The following CSMD1 variants were observed in gnomAD, a reference collection of about 807,000 sequenced individuals.
CSMD1 encodes CUB and Sushi multiple domains 1.
In CSMD1, 213 loss-of-function variants were observed where a neutral mutation model predicts 417.5. The ratio of observed to expected loss-of-function variants is 0.51; its 90% confidence interval spans 0.46 to 0.57. CSMD1 has a LOEUF of 0.57. CSMD1 is among the 20% of genes least tolerant of loss of function. The pLI, the probability that CSMD1 is intolerant of heterozygous loss-of-function variation, is 0.00. For synonymous variants in CSMD1, 2,862 were observed against 1,736.8 expected (o/e 1.65, Z -16.11); for missense variants, 6,923 against 4,529.7 (o/e 1.53, Z -15.17).
chr8:4,951,671 T>A (rs574933843), intron 1 of CSMD1, among the ~76,000 whole-genome samples: 1 of 151,856 alleles, frequency 6.6e-6, no homozygotes, highest in East Asian at 1.9e-4. Flanking sequence ...TTCCTACTTT[T>A]AGTAAAAAAT....
chr8:4,368,810 C>T (rs1326589630), intron 3 of CSMD1, among the ~76,000 whole-genome samples: 1 of 152,038 alleles, frequency 6.6e-6, no homozygotes, highest in African/African-American at 2.4e-5. Context: ...GTTGTAATGT[C>T]AGCTTTGTCA....
chr8:4,808,973 T>G (rs1399337224), intron 1 of CSMD1, among the ~76,000 whole-genome samples: 4 of 152,210 alleles, frequency 2.6e-5, no homozygotes, highest in Admixed American at 2.6e-4. Flanking sequence ...CCAGAAAATC[T>G]TGTTTAAAAT....
intron 2 of CSMD1, among the ~76,000 whole-genome samples, chr8:4,613,209 A>G (rs1253666856): frequency 6.6e-6 from 1 of 152,202 alleles, no homozygotes; most frequent in Admixed American, 6.5e-5. Flanking sequence ...GGTAAGAGAG[A>G]AAACAATTTG....
intron 1 of CSMD1, among the ~76,000 whole-genome samples, chr8:4,932,288 C>T (rs185220242): frequency 6.6e-6 from 1 of 151,174 alleles, no homozygotes; most frequent in African/African-American, 2.4e-5. Context: ...ATAAAATTGT[C>T]TTAAAAAGTA....
chr8:4,759,054 A>C (rs996396999), intron 1 of CSMD1, among the ~76,000 whole-genome samples: 4 of 152,218 alleles, frequency 2.6e-5, no homozygotes, highest in African/African-American at 7.2e-5. Flanking sequence ...GATGTGCAGA[A>C]AAGTTATTAA....
At chr8:3,056,747 T>G (rs1812255421) in intron 49 of CSMD1, among the ~76,000 whole-genome samples, 1 of 143,236 alleles carries the variant, frequency 7.0e-6, no homozygotes, top group South Asian at 2.2e-4. Flanking sequence ...TATATGAATA[T>G]GTATATATAA....
At chr8:3,979,418 C>G (rs997535652) in intron 5 of CSMD1, among the ~76,000 whole-genome samples, 1 of 152,176 alleles carries the variant, frequency 6.6e-6, no homozygotes, top group African/African-American at 2.4e-5. Flanking sequence ...CATGGAAAAG[C>G]TGCAGGAGAA....
intron 33 of CSMD1, among the ~76,000 whole-genome samples, chr8:3,192,589 G>C (rs905097774): frequency 6.6e-6 from 1 of 152,200 alleles, no homozygotes; most frequent in Non-Finnish European, 1.5e-5. Flanking sequence ...AGCCTGGAGA[G>C]AGGCACGAGA....
intron 3 of CSMD1, among the ~76,000 whole-genome samples, chr8:4,403,544 G>A (rs960058643): frequency 4.6e-5 from 7 of 152,122 alleles, no homozygotes; most frequent in Admixed American, 2.6e-4. Context: ...CGCCAGGGCT[G>A]ATCACCTCTT....
In CSMD1 at chr8:4,182,042, G is replaced by A. The variant is rs990147571; in HGVS notation, c.416-149943C>T. 1.5e-4 allele frequency among the ~76,000 whole-genome samples: 10 copies of A among 68,114 alleles called. No individual in the cohort carries two copies. The Admixed American group carries it at 1.6e-3, about 11-fold the overall frequency. The allele number at this position is 68,114 out of a possible 152,430, so 44.7% of individuals were successfully genotyped here. A position where few individuals can be genotyped will look rare whatever the true frequency, so the allele number is the denominator to read the frequency against. On this transcript the variant is annotated intron_variant, in intron 3 of 69. Transcript: ENST00000635120. ...TACACACCCGTGTGTGTGTGTGTGTGTCGGTGTGTGTGTGTGTGTATACCT... is the reference window on the plus strand; with the variant it reads ...TACACACCCGTGTGTGTGTGTGTGTATCGGTGTGTGTGTGTGTGTATACCT...
intron 26 of CSMD1, among the ~76,000 whole-genome samples, chr8:3,239,865 A>G (rs890208396): frequency 2.0e-5 from 3 of 152,110 alleles, no homozygotes; most frequent in Non-Finnish European, 4.4e-5. Flanking sequence ...CAGGTGTGGT[A>G]TCCAGAATAA....
At chr8:3,650,721 G>A (rs1330126107) in intron 7 of CSMD1, among the ~76,000 whole-genome samples, 3 of 152,174 alleles carry the variant, frequency 2.0e-5, no homozygotes, top group African/African-American at 7.2e-5. Context: ...GGGCATCAAC[G>A]ACTCAATTCG....
Position 3,715,301 on chromosome 8 carries a change from A to C in CSMD1, c.932-6810T>G, listed in dbSNP as rs79334064. Among the ~76,000 whole-genome samples, 1,406 of 152,268 alleles carry C rather than the reference A, an allele frequency of 9.2e-3. 12 individuals carry two copies. The highest frequency in any genetic ancestry group is 0.016 in the Non-Finnish European group (1,069 of 68,020). On this transcript the variant is annotated intron_variant, in intron 6 of 69. Coordinates refer to ENST00000635120, the MANE Select transcript of CSMD1 (RefSeq NM_033225.6). ...CGTGTGATTTGTGCTGATACACTGT[A>C]AACATCAGTAGGAGCTATGTCTCTA...
At chr8:3,102,945 G>T (rs1815865540) in intron 46 of CSMD1, among the ~76,000 whole-genome samples, 1 of 152,090 alleles carries the variant, frequency 6.6e-6, no homozygotes, top group African/African-American at 2.4e-5. Context: ...AACTCCCCAG[G>T]CCTCCACAAA....
chr8:3,973,294 G>A (rs1813207274), intron 5 of CSMD1, among the ~76,000 whole-genome samples: 2 of 152,172 alleles, frequency 1.3e-5, no homozygotes, highest in African/African-American at 2.4e-5. Context: ...TCTCCCACCT[G>A]CCGAGGGATT....
intron 5 of CSMD1, among the ~76,000 whole-genome samples, chr8:3,939,025 G>A (rs932689697): frequency 8.6e-5 from 13 of 152,046 alleles, no homozygotes; most frequent in Admixed American, 3.3e-4. Context: ...TAGTGAAATG[G>A]ATTTTTATTC....
chr8:4,754,568 A>G (rs1368212944), intron 1 of CSMD1, among the ~76,000 whole-genome samples: 3 of 151,218 alleles, frequency 2.0e-5, no homozygotes, highest in Admixed American at 6.6e-5. Context: ...AAAGCCAAGT[A>G]GGGCCAGGCG....
chr8:3,912,099 A>G (rs34565648), intron 5 of CSMD1, among the ~76,000 whole-genome samples: 1,873 of 152,332 alleles, frequency 0.012, 15 homozygotes, highest in South Asian at 0.038. Context: ...CAATAAATAT[A>G]ACAGCTTGTC....
intron 1 of CSMD1, among the ~76,000 whole-genome samples, chr8:4,721,621 G>T (rs1057401598): frequency 6.6e-6 from 1 of 152,142 alleles, no homozygotes; most frequent in African/African-American, 2.4e-5. Context: ...ATATAGATTG[G>T]TATAGCCAAT....
Sources: gnomAD v4.1 joint callset for allele counts (sites outside exome capture counted in the v4.1 genomes callset) on GRCh38, gnomAD v4.1.1 for gene constraint, MANE v1.5 for transcripts, NCBI Gene and HGNC (gene_info 2026-07-23, HGNC 2026-07-21) for gene names.